ENO3: variants seen among roughly 807,000 people sequenced by gnomAD.
ENO3 encodes enolase 3, also known as beta-enolase.
A neutral mutation model predicts 47.7 loss-of-function variants in ENO3; 46 were observed. That is an observed-to-expected ratio of 0.96 (90% CI 0.76 to 1.23). The LOEUF (loss-of-function observed/expected upper bound fraction) is 1.23, where lower values mean the gene tolerates loss of function less well. ENO3 is among the 50% of genes most tolerant of loss of function. The pLI is 0.00. For missense variants in ENO3, 575 were observed against 566.2 expected (o/e 1.02, Z -0.16); for synonymous variants, 223 against 225.9 (o/e 0.99, Z 0.11).
chr17:4,955,464 T>C lies in ENO3; in HGVS notation c.725T>C (p.Ile242Thr), dbSNP rs763526971. ...GCTGGTTACCCAGACAAGGTGGTGATCGGCATGGATGTGGCAGCATCTGAG... is the reference window on the plus strand; with the variant it reads ...GCTGGTTACCCAGACAAGGTGGTGACCGGCATGGATGTGGCAGCATCTGAG... ...QAAGYPDKVV[I>T]GMDVAASEFY... The change falls in exon 8 of 12, where the codon ATC becomes ACC. Residue 242 changes from isoleucine (I) to threonine (T), a missense_variant. Physicochemically the swap from Ile to Thr is moderately conservative, Grantham distance 89 (BLOSUM62 -1). Transcript: ENST00000519602. 1.4e-5 allele frequency: 22 copies of C among 1,614,058 alleles called. No homozygotes were observed. Among genetic ancestry groups the C allele is most frequent in the Non-Finnish European group, 1.7e-5 (20 of 1,180,038 alleles).
chr17:4,952,092 T>C (rs1039839086), intron 2 of ENO3, 178 bp downstream of exon 2: 12 of 719,862 alleles, frequency 1.7e-5, no homozygotes, highest in Non-Finnish European at 3.0e-5. Flanking sequence ...CAGGAGTCTC[T>C]CTCTGCACTG....
intron 5 of ENO3, 106 bp from the exon 6 acceptor site, chr17:4,953,606 A>T: frequency 6.3e-7 from 1 of 1,599,712 alleles, no homozygotes; most frequent in Middle Eastern, 1.7e-4. Flanking sequence ...AGATCTGTTA[A>T]CCAATTCTTC....
rs1646096504 is a variant in ENO3, at chr17:4,953,721, G to C, written c.320G>C (p.Gly107Ala). The stretch of plus-strand genomic sequence containing the variant: ...GCTTGCCTCCTTCCAGCCAAGTTTG[G>C]GGCCAATGCCATCCTGGGCGTGTCC... ...LDGTENKSKF[G>A]ANAILGVSLA... is the part of the protein sequence containing the mutation. Residue 107 changes from glycine to alanine, a missense_variant, in exon 6 of 12, where the codon GGG becomes GCG. Coordinates refer to ENST00000519602, the MANE Select transcript of ENO3 (RefSeq NM_053013.4). 1 of 1,614,098 alleles carries C rather than the reference G, an allele frequency of 6.2e-7. No individual in the cohort carries two copies. Among genetic ancestry groups the C allele is most frequent in the Admixed American group, 1.7e-5 (1 of 60,002 alleles).
Position 4,956,891 on chromosome 17 carries a change from T to G in ENO3, c.1235+2T>G. The G allele has an allele frequency of 6.2e-7, 1 of 1,614,158 alleles. No homozygotes were observed. The highest frequency in any genetic ancestry group is 8.5e-7 in the Non-Finnish European group (1 of 1,180,024). ...GGCCAAATACAACCAACTCATGAGG[T>G]ACAGCGGGAACAGTGGGCCTGGGCA... On this transcript the variant is annotated splice_donor_variant, in intron 11 of 11. Transcript: ENST00000519602. LOFTEE classifies it high-confidence loss of function.
Position 4,956,904 on chromosome 17 carries a change from G to A in ENO3, c.1235+15G>A. ...CAACTCATGAGGTACAGCGGGAACA[G>A]TGGGCCTGGGCATTGGGGTGCTGGA... On this transcript the variant is annotated intron_variant, in intron 11 of 11. Coordinates refer to ENST00000519602, the MANE Select transcript of ENO3 (RefSeq NM_053013.4). 6.2e-7 allele frequency: 1 copy of A among 1,614,260 alleles called. No individual in the cohort carries two copies. Among genetic ancestry groups the A allele is most frequent in the Non-Finnish European group, 8.5e-7 (1 of 1,180,054 alleles).
rs1328638089 is a variant in ENO3 at position 4,951,825 on chromosome 17, C to T, written c.-2-3C>T. 6.2e-7 allele frequency: 1 copy of T among 1,614,096 alleles called. No homozygotes were observed. Among genetic ancestry groups the T allele is most frequent in the East Asian group, 2.2e-5 (1 of 44,880 alleles). On this transcript the variant is annotated splice_polypyrimidine_tract_variant and splice_region_variant and intron_variant, in intron 1 of 11. Coordinates refer to ENST00000519602, the MANE Select transcript of ENO3 (RefSeq NM_053013.4). ...ACACTCACTCACACCTCCTGTCCTG[C>T]AGCCATGGCCATGCAGAAAATCTTT...
At chr17:4,956,444 AAAG>A in intron 9 of ENO3, 126 bp from the exon 10 acceptor site, 2 of 945,618 alleles carry the variant, frequency 2.1e-6, no homozygotes, top group Middle Eastern at 2.1e-4. Flanking sequence ...CCTACTTCCC[AAAG>A]AACTTAGTCA....
upstream of ENO3, among the ~76,000 whole-genome samples, chr17:4,949,790 G>A (rs1971487585): frequency 6.6e-6 from 1 of 152,148 alleles, no homozygotes; most frequent in Non-Finnish European, 1.5e-5. Context: ...CATCCCTGGC[G>A]TCCACGCCGA....
Position 4,952,804 on chromosome 17 carries a change from G to C in ENO3, c.95G>C (p.Arg32Pro). ...VDLHTAKGRF[R>P]AAVPSGASTG... is the part of the protein sequence containing the mutation. ...ATTCCTCCTGTCCCAGGCCGATTCCGAGCAGCTGTGCCCAGTGGGGCTTCC... is the reference window on the plus strand; with the variant it reads ...ATTCCTCCTGTCCCAGGCCGATTCCCAGCAGCTGTGCCCAGTGGGGCTTCC... The change falls in exon 3 of 12, where the codon CGA (arginine) becomes CCA (proline). Residue 32 changes from arginine to proline, a missense_variant. Arg to Pro is a moderately radical substitution (Grantham distance 103). Transcript: ENST00000519602. 2.5e-6 allele frequency: 4 copies of C among 1,610,052 alleles called. No individual in the cohort carries two copies. The highest frequency in any genetic ancestry group is 3.4e-6 in the Non-Finnish European group (4 of 1,177,866).
upstream of ENO3, chr17:4,951,061 G>A: frequency 1.0e-6 from 1 of 986,070 alleles, no homozygotes; most frequent in Non-Finnish European, 1.2e-6. Context: ...AGAGAGGCGG[G>A]GCTGGCTGGG....
At chr17:4,950,737 C>T (rs1971516434), upstream of ENO3, 2 of 929,754 alleles carry the variant, frequency 2.2e-6, no homozygotes, top group South Asian at 5.0e-5. Flanking sequence ...CTTGCAGCCC[C>T]TCTTCCAGGC....
At chr17:4,950,308 G>C (rs935737859), upstream of ENO3, 1 of 152,556 alleles carries the variant, frequency 6.6e-6, no homozygotes, top group African/African-American at 2.4e-5. Flanking sequence ...GTGGGGCGCC[G>C]GAAGAGCCCC....
chr17:4,956,188 C>T (rs778123170), intron 9 of ENO3, 45 bp downstream of exon 9: 1 of 1,600,600 alleles, frequency 6.2e-7, no homozygotes, highest in Non-Finnish European at 8.5e-7. Context: ...CTGCCTCTGC[C>T]CCAGCTCTGC....
chr17:4,955,644 C>T (rs182385874), intron 8 of ENO3, 40 bp downstream of exon 8: 124 of 1,612,254 alleles, frequency 7.7e-5, no homozygotes, highest in East Asian at 6.9e-4. Flanking sequence ...GCCCGAATCC[C>T]GTGCAGCTGC....
rs771937916 is a variant in ENO3 at position 4,953,097 on chromosome 17, T to G, written c.228T>G (p.Ala76=). ...ACATCAACAATACTCTGGGCCCTGC[T>G]CTGCTGCAAAAGGCAAGTGGGGAAG... ...VENINNTLGP[A]LLQKKLSVVD... Residue 76 remains alanine, a synonymous_variant, in exon 4 of 12, where the codon GCT becomes GCG. Transcript: ENST00000519602. 1 of 1,614,066 alleles carries G rather than the reference T, an allele frequency of 6.2e-7. No individual in the cohort carries two copies. Among genetic ancestry groups the G allele is most frequent in the Non-Finnish European group, 8.5e-7 (1 of 1,179,936 alleles).
rs760982486 is a variant in ENO3, at chr17:4,955,536, A to G, written c.797A>G (p.Asp266Gly). 6.2e-7 allele frequency: 1 copy of G among 1,614,222 alleles called. No individual in the cohort carries two copies. Among genetic ancestry groups the G allele is most frequent in the East Asian group, 2.2e-5 (1 of 44,878 alleles). ...GATCTTGACTTCAAGTCGCCTGATG[A>G]TCCCGCACGGCACATCACTGGGGAG... ...KYDLDFKSPDDPARHITGEKL... is the reference protein window; with the variant it reads ...KYDLDFKSPDGPARHITGEKL... Residue 266 changes from aspartate (D) to glycine (G), a missense_variant, in exon 8 of 12, where the codon GAT becomes GGT. Coordinates refer to ENST00000519602, the MANE Select transcript of ENO3 (RefSeq NM_053013.4).
In ENO3 at chr17:4,954,911, A is replaced by G. The variant is rs7215662; in HGVS notation, c.445-164A>G. Among the ~76,000 whole-genome samples the G allele has an allele frequency of 0.084, 12,736 of 151,442 alleles. 696 individuals are homozygous for G. The highest frequency in any genetic ancestry group is 0.12 in the Non-Finnish European group (7,970 of 67,806). On this transcript the variant is annotated intron_variant, in intron 6 of 11. Transcript: ENST00000519602. ...ACTCCGTCTCAAAAAAAAAAAAAAA[A>G]AAAGAAAGAAATGAGGAAAGAGGCT...
chr17:4,956,884 C>G lies in ENO3; in HGVS notation c.1230C>G (p.Leu410=). The G allele has an allele frequency of 6.2e-7, 1 of 1,614,232 alleles. No individual in the cohort carries two copies. Among genetic ancestry groups the G allele is most frequent in the Non-Finnish European group, 8.5e-7 (1 of 1,180,050 alleles). The change falls in exon 11 of 12, where the codon CTC becomes CTG. Residue 410 remains leucine, a synonymous_variant. Coordinates refer to ENST00000519602, the MANE Select transcript of ENO3 (RefSeq NM_053013.4). ...RSERLAKYNQ[L]MRIEEALGDK... ...AGCGTCTGGCCAAATACAACCAACTCATGAGGTACAGCGGGAACAGTGGGC... is the reference window on the plus strand; with the variant it reads ...AGCGTCTGGCCAAATACAACCAACTGATGAGGTACAGCGGGAACAGTGGGC...
chr17:4,952,945 G>A (rs927577100), intron 3 of ENO3, 55 bp downstream of exon 3: 7 of 1,609,766 alleles, frequency 4.3e-6, no homozygotes, highest in African/African-American at 2.7e-5. Flanking sequence ...GGACATGGGT[G>A]CACAATGGGT....
Sources: gnomAD v4.1 joint callset for allele counts (sites outside exome capture counted in the v4.1 genomes callset) on GRCh38, gnomAD v4.1.1 for gene constraint, MANE v1.5 for transcripts, NCBI Gene and HGNC (gene_info 2026-07-23, HGNC 2026-07-21) for gene names.